Variants in PDE4DIP observed in about 807,000 individuals in gnomAD.
PDE4DIP encodes myomegalin.
In PDE4DIP, 59 loss-of-function variants were observed where a neutral mutation model predicts 221.4. That is an observed-to-expected ratio of 0.27 (90% CI 0.22 to 0.33). The LOEUF (loss-of-function observed/expected upper bound fraction) is 0.33, where lower values mean the gene tolerates loss of function less well. PDE4DIP is among the 10% of genes least tolerant of loss of function. The probability of loss-of-function intolerance (pLI) is 1.00; values close to 1 mark genes in which losing one functional copy is unlikely to be tolerated. For missense variants in PDE4DIP, 1,036 were observed against 2,154.2 expected (o/e 0.48, Z 10.28); for synonymous variants, 404 against 815.9 (o/e 0.50, Z 8.60).
chr1:148,838,407 A>C (rs1281614807), intron 1 of PDE4DIP, among the ~76,000 whole-genome samples: 2 of 32,788 alleles, frequency 6.1e-5, no homozygotes, highest in Non-Finnish European at 1.6e-4. Flanking sequence ...ACCTTAATTG[A>C]GGTCTTAATC....
At chr1:148,927,573 C>T (rs1211294812) in intron 1 of PDE4DIP, among the ~76,000 whole-genome samples, 1 of 151,930 alleles carries the variant, frequency 6.6e-6, no homozygotes, top group African/African-American at 2.4e-5. Context: ...TTCTAGAAGT[C>T]TAGGTGTTGG....
chr1:149,020,857 C>T (rs1402338767), intron 36 of PDE4DIP, 172 bp from the exon 40 acceptor site: 259 of 577,648 alleles, frequency 4.5e-4, no homozygotes, highest in South Asian at 8.6e-4. Context: ...TCCATATCTG[C>T]GAAATAAAAG....
chr1:148,819,619 T>C (rs1668510337), intron 1 of PDE4DIP, among the ~76,000 whole-genome samples: 1 of 24,180 alleles, frequency 4.1e-5, no homozygotes, highest in Non-Finnish European at 6.8e-5. Context: ...AGTTTATTAC[T>C]CTAGACAAGT....
chr1:148,979,686 C>T, intron 19 of PDE4DIP, 51 bp from the exon 23 acceptor site: 1 of 1,537,086 alleles, frequency 6.5e-7, no homozygotes, highest in Non-Finnish European at 9.0e-7. Context: ...GTTTCTTATT[C>T]ATGTCTCACT....
At chr1:148,935,353 TAG>T (rs2049007022) in intron 4 of PDE4DIP, among the ~76,000 whole-genome samples, 1 of 132,328 alleles carries the variant, frequency 7.6e-6, no homozygotes, top group Non-Finnish European at 1.6e-5. Context: ...TTTGAACCCA[TAG>T]TTTGTATACC....
chr1:148,826,139 T>TG lies in PDE4DIP; in HGVS notation c.233+17404dup, dbSNP rs1291777435. On this transcript the variant is annotated intron_variant, in intron 1 of 45. Coordinates refer to the PDE4DIP transcript ENST00000524974. The stretch of plus-strand genomic sequence containing the variant: ...GAATCAAAGTTTGAACCAATTGATC[T>TG]GGTCCATCAGCACCAGACCCTTCTG... Among the ~76,000 whole-genome samples the TG allele has an allele frequency of 7.4e-5, 7 of 94,012 alleles. 3 individuals carry two copies. In the East Asian group the frequency reaches 3.1e-3, roughly 42 times the overall value. 61.7% of individuals were successfully genotyped at this position (94,012 alleles called of 152,430 possible).
intron 21 of PDE4DIP, among the ~76,000 whole-genome samples, chr1:148,989,629 T>A (rs2062612735): frequency 6.6e-6 from 1 of 152,178 alleles, no homozygotes; most frequent in South Asian, 2.1e-4. Flanking sequence ...GGGATGAGGA[T>A]CCTGACCTCA....
intron 1 of PDE4DIP, among the ~76,000 whole-genome samples, chr1:148,824,291 G>A (rs1553363666): frequency 2.0e-5 from 3 of 149,854 alleles, no homozygotes; most frequent in African/African-American, 7.4e-5. Flanking sequence ...TATTTGGCAG[G>A]CTTTAGTTCC....
At chr1:148,827,609 A>C (rs2799313) in intron 1 of PDE4DIP, among the ~76,000 whole-genome samples, 140 of 105,378 alleles carry the variant, frequency 1.3e-3, no homozygotes, top group African/African-American at 3.8e-3. Flanking sequence ...AAATATTCTT[A>C]GGAGATACAC....
chr1:148,907,174 G>A (rs587611317), intron 1 of PDE4DIP, among the ~76,000 whole-genome samples: 98 of 140,710 alleles, frequency 7.0e-4, no homozygotes, highest in Non-Finnish European at 1.2e-3. Flanking sequence ...TTATGTGTCA[G>A]ATAAGTCTCT....
intron 22 of PDE4DIP, among the ~76,000 whole-genome samples, chr1:148,996,920 T>C (rs1186070863): frequency 1.3e-5 from 2 of 152,222 alleles, no homozygotes; most frequent in African/African-American, 2.4e-5. Context: ...ACTTGGATAA[T>C]TGGGGAATGA....
intron 31 of PDE4DIP, among the ~76,000 whole-genome samples, chr1:149,010,886 G>A: frequency 6.8e-6 from 1 of 147,340 alleles, no homozygotes; most frequent in Non-Finnish European, 1.5e-5. Context: ...TGGGAGCAAA[G>A]AGGCAAAATG....
At chr1:148,927,351 A>G (rs2046947758) in intron 1 of PDE4DIP, among the ~76,000 whole-genome samples, 1 of 152,050 alleles carries the variant, frequency 6.6e-6, no homozygotes, top group Non-Finnish European at 1.5e-5. Flanking sequence ...GTCACTAAAA[A>G]CATACTAGTA....
At chr1:149,016,823 C>T (rs2070754799) in intron 33 of PDE4DIP, among the ~76,000 whole-genome samples, 1 of 152,300 alleles carries the variant, frequency 6.6e-6, no homozygotes, top group African/African-American at 2.4e-5. Context: ...TGCAGCCTGG[C>T]CTCTTTGCAG....
At chr1:148,827,265 T>C (rs1441241839) in intron 1 of PDE4DIP, among the ~76,000 whole-genome samples, 2 of 126,198 alleles carry the variant, frequency 1.6e-5, no homozygotes, top group African/African-American at 2.7e-5. Context: ...TTTTTTTTTT[T>C]TTTTTTTGAG....
Position 148,920,458 on chromosome 1 carries a change from C to T in PDE4DIP, c.142-8739C>T, listed in dbSNP as rs587637600. Among the ~76,000 whole-genome samples the T allele has an allele frequency of 3.4e-3, 248 of 72,110 alleles. 2 individuals are homozygous for T. Among genetic ancestry groups the T allele is most frequent in the Middle Eastern group, 0.013 (3 of 234 alleles). 47.3% of individuals were successfully genotyped at this position (72,110 alleles called of 152,430 possible). On this transcript the variant is annotated intron_variant, in intron 1 of 43. Transcript: ENST00000369354. ...ACAGGCGTGAGCCACTGCGCCTGGC[C>T]TATTATTATTTTTTGAGTGGCTGCT...
chr1:148,978,347 C>T (rs1358843482), exon 19 of PDE4DIP: 8 of 1,612,372 alleles, frequency 5.0e-6, no homozygotes, highest in Non-Finnish European at 6.8e-6. Flanking sequence ...GGAAGTCTTA[C>T]TTCTTCGGGA....
exon 41 of PDE4DIP, chr1:149,028,683 C>A: frequency 1.9e-6 from 3 of 1,595,654 alleles, no homozygotes; most frequent in Non-Finnish European, 2.6e-6. Context: ...CACCCACATC[C>A]CTGTGCTGCC....
chr1:148,963,930 T>C (rs1463037489), intron 9 of PDE4DIP, among the ~76,000 whole-genome samples: 20 of 150,262 alleles, frequency 1.3e-4, no homozygotes, highest in African/African-American at 4.6e-4. Context: ...CTAATTTTTT[T>C]TGCATTTTTA....
Sources: allele counts gnomAD v4.1 joint callset (sites outside exome capture counted in the v4.1 genomes callset), GRCh38; gene constraint gnomAD v4.1.1; transcripts MANE v1.5; gene names NCBI Gene and HGNC (gene_info 2026-07-23, HGNC 2026-07-21).